Variants in PIK3R3 observed in about 807,000 individuals in gnomAD.
The protein encoded by PIK3R3 is phosphatidylinositol 3-kinase regulatory subunit gamma.
In PIK3R3, 64 loss-of-function variants were observed where a neutral mutation model predicts 62.9. The ratio of observed to expected loss-of-function variants is 1.02; its 90% CI spans 0.83 to 1.25. The LOEUF (loss-of-function observed/expected upper bound fraction) is 1.25, where lower values mean the gene tolerates loss of function less well. Ranked by LOEUF, PIK3R3 falls within the 50% of genes most tolerant of loss-of-function variation. The pLI is 0.00. For synonymous variants in PIK3R3, 165 were observed against 189.0 expected (o/e 0.87, Z 1.04); for missense variants, 614 against 561.6 (o/e 1.09, Z -0.94).
chr1:46,089,582 G>A (rs1304002014), intron 1 of PIK3R3, among the ~76,000 whole-genome samples: 1 of 152,014 alleles, frequency 6.6e-6, no homozygotes, highest in African/African-American at 2.4e-5. Flanking sequence ...AAGTGTGGTG[G>A]TGTGTGCCTG....
At chr1:46,132,843 A>C, upstream of PIK3R3, 10 of 1,208,788 alleles carry the variant, frequency 8.3e-6, no homozygotes, top group South Asian at 1.5e-5. Flanking sequence ...CTCGACTTTC[A>C]CGTCTCCCCA....
At chr1:46,067,175 T>G (rs1030054454) in intron 3 of PIK3R3, 84 bp from the exon 4 acceptor site, 7 of 999,394 alleles carry the variant, frequency 7.0e-6, no homozygotes, top group African/African-American at 1.7e-5. Flanking sequence ...CGTGAAAGCT[T>G]GGTGTCACAT....
At chr1:46,152,049 C>T in the PIK3R3 span, among the ~76,000 whole-genome samples, 5 of 152,216 alleles carry the variant, frequency 3.3e-5, no homozygotes, top group East Asian at 1.9e-4. Flanking sequence ...TCATGCTGTT[C>T]GCATCTCTAG....
chr1:46,151,709 ATCCAGTG>A, the PIK3R3 span, among the ~76,000 whole-genome samples: 1 of 152,174 alleles, frequency 6.6e-6, no homozygotes, highest in African/African-American at 2.4e-5. Context: ...TCCCCAGCTT[ATCCAGTG>A]TTCTGCTTTT....
chr1:46,160,380 T>TG, the PIK3R3 span, among the ~76,000 whole-genome samples: 2 of 152,244 alleles, frequency 1.3e-5, no homozygotes, highest in Admixed American at 6.5e-5. Flanking sequence ...CTGTAACAAA[T>TG]TAGGCACATT....
At chr1:46,110,998 CAT>C (rs1175274306) in intron 1 of PIK3R3, among the ~76,000 whole-genome samples, 3 of 151,976 alleles carry the variant, frequency 2.0e-5, no homozygotes, top group African/African-American at 7.2e-5. Context: ...TAGAGCCAAA[CAT>C]ACTAGAGCCA....
At chr1:46,109,162 CAAAAAA>C (rs758453256) in intron 1 of PIK3R3, among the ~76,000 whole-genome samples, 5 of 70,142 alleles carry the variant, frequency 7.1e-5, no homozygotes, top group African/African-American at 1.8e-4. Context: ...GACTCTGTCT[CAAAAAA>C]AAAAAAAAAA....
intron 1 of PIK3R3, among the ~76,000 whole-genome samples, chr1:46,101,798 A>C (rs1652703060): frequency 1.3e-5 from 2 of 152,140 alleles, no homozygotes; most frequent in African/African-American, 4.8e-5. Flanking sequence ...AGAATGAGGG[A>C]GTTATTGCTT....
intron 1 of PIK3R3, chr1:46,131,582 A>G (rs1306650520): frequency 2.0e-6 from 1 of 509,264 alleles, no homozygotes; most frequent in South Asian, 1.7e-5. Context: ...AAAGTAAAAA[A>G]TAATGATAAT....
chr1:46,168,845 C>T, the PIK3R3 span, among the ~76,000 whole-genome samples: 2 of 152,068 alleles, frequency 1.3e-5, no homozygotes, highest in African/African-American at 4.8e-5. Context: ...CTTTACACCC[C>T]CTCCTCAACA....
chr1:46,120,305 C>T (rs1232236626), intron 1 of PIK3R3, among the ~76,000 whole-genome samples: 3 of 152,170 alleles, frequency 2.0e-5, no homozygotes, highest in Non-Finnish European at 2.9e-5. Flanking sequence ...TGGCTGGGCG[C>T]GGTGGCTCAC....
intron 2 of PIK3R3, 117 bp from the exon 3 acceptor site, chr1:46,077,730 G>A: frequency 1.5e-6 from 1 of 653,330 alleles, no homozygotes; most frequent in Non-Finnish European, 2.8e-6. Context: ...TGTGCCTGAG[G>A]TTATAGAATA....
At chr1:46,074,242 AT>A (rs1347793551) in intron 3 of PIK3R3, among the ~76,000 whole-genome samples, 3 of 140,186 alleles carry the variant, frequency 2.1e-5, no homozygotes, top group African/African-American at 7.9e-5. Flanking sequence ...GTGAGCCAAG[AT>A]CAGCCACTGC....
chr1:46,101,821 G>C (rs1652706436), intron 1 of PIK3R3, among the ~76,000 whole-genome samples: 1 of 152,062 alleles, frequency 6.6e-6, no homozygotes, highest in Non-Finnish European at 1.5e-5. Context: ...TGGTTATAGA[G>C]TTTCTATATG....
intron 1 of PIK3R3, among the ~76,000 whole-genome samples, chr1:46,101,980 C>CTTTTTTTTTTTTTTTTTTTT: frequency 1.1e-5 from 1 of 89,930 alleles, no homozygotes; most frequent in Non-Finnish European, 2.0e-5. Context: ...GAATTGTATA[C>CTTTTTTTTTTTTTTTTTTTT]TTTTTTTTTT....
intron 1 of PIK3R3, among the ~76,000 whole-genome samples, chr1:46,107,887 T>G (rs1438193060): frequency 6.6e-6 from 1 of 152,192 alleles, no homozygotes; most frequent in Non-Finnish European, 1.5e-5. Context: ...TAATACTACA[T>G]AGATAAAACA....
the PIK3R3 span, among the ~76,000 whole-genome samples, chr1:46,151,897 C>T: frequency 2.6e-5 from 4 of 152,192 alleles, no homozygotes; most frequent in African/African-American, 4.8e-5. Flanking sequence ...ATAGCTTGAG[C>T]TGCCTCTCCT....
At chr1:46,145,123 CAAA>C in the PIK3R3 span, among the ~76,000 whole-genome samples, 11 of 78,552 alleles carry the variant, frequency 1.4e-4, no homozygotes, top group Admixed American at 1.4e-4. Context: ...AACTCCACCT[CAAA>C]AAAAAAAAAA....
chr1:46,132,636 C>T (rs958505642), upstream of PIK3R3: 31 of 1,289,630 alleles, frequency 2.4e-5, no homozygotes, highest in Non-Finnish European at 2.6e-5. Flanking sequence ...GCCCGGACTC[C>T]AGCCACTAGA....
Sources: allele counts gnomAD v4.1 joint callset (sites outside exome capture counted in the v4.1 genomes callset), GRCh38; gene constraint gnomAD v4.1.1; transcripts MANE v1.5; gene names NCBI Gene and HGNC (gene_info 2026-07-23, HGNC 2026-07-21).